The following MRTFB variants were observed in gnomAD, a reference collection of about 807,000 sequenced individuals.
MRTFB encodes the protein myocardin related transcription factor B.
Under a neutral mutation model 104.2 loss-of-function variants are expected in MRTFB, and 29 were observed. That is an observed-to-expected ratio of 0.28 (90% CI 0.21 to 0.38). The LOEUF (loss-of-function observed/expected upper bound fraction) is 0.38. MRTFB is among the 10% of genes least tolerant of loss of function. The pLI is 1.00. For missense variants in MRTFB, 1,270 were observed against 1,341.6 expected (o/e 0.95, Z 0.83); for synonymous variants, 535 against 519.5 (o/e 1.03, Z -0.41).
Position 14,169,543 on chromosome 16 carries a change from T to C in MRTFB, c.154+28783T>C, listed in dbSNP as rs570848737. On this transcript the variant is annotated intron_variant, in intron 3 of 16. Transcript: ENST00000571589. Reference sequence around the variant, plus strand: ...TTGTCAAATACATGTTTTACAAATATATTCTCCTGGTCTGTGGCTTCCGTA... The same window carrying C: ...TTGTCAAATACATGTTTTACAAATACATTCTCCTGGTCTGTGGCTTCCGTA... Among the ~76,000 whole-genome samples, 7 of 152,348 alleles carry C rather than the reference T, an allele frequency of 4.6e-5. No individual in the cohort carries two copies. The South Asian group carries it at 1.2e-3, about 27-fold the overall frequency.
At position 14,167,810 on chromosome 16, in the gene MRTFB, G is replaced by A. The variant is rs189264940; in HGVS notation, c.154+27050G>A. 5.8e-3 allele frequency among the ~76,000 whole-genome samples: 879 copies of A among 152,278 alleles called. 12 individuals are homozygous for A. The highest frequency in any genetic ancestry group is 6.0e-3 in the Non-Finnish European group (410 of 68,014). Reference sequence around the variant, plus strand: ...AGGTTCATGCCACTCTCCTGCCTCAGCCTCCCAGTAGCTGGGACTACAAGC... The same window carrying A: ...AGGTTCATGCCACTCTCCTGCCTCAACCTCCCAGTAGCTGGGACTACAAGC... On this transcript the variant is annotated intron_variant, in intron 3 of 16. Coordinates refer to ENST00000571589, the MANE Select transcript of MRTFB (RefSeq NM_001308142.2).
At chr16:14,252,597 G>A in intron 15 of MRTFB, 95 bp downstream of exon 15, 1 of 1,376,312 alleles carries the variant, frequency 7.3e-7, no homozygotes, top group Admixed American at 2.7e-5. Flanking sequence ...GTCTGAAACT[G>A]ACTTGCCTCA....
intron 2 of MRTFB, among the ~76,000 whole-genome samples, chr16:14,087,464 C>G (rs2034788871): frequency 6.6e-6 from 1 of 152,112 alleles, no homozygotes; most frequent in Non-Finnish European, 1.5e-5. Flanking sequence ...AGGCTACTCT[C>G]TTTAAATAGA....
chr16:14,061,581 T>C, the MRTFB span, among the ~76,000 whole-genome samples: 6 of 150,692 alleles, frequency 4.0e-5, no homozygotes, highest in Admixed American at 1.3e-4. Context: ...TTTTTTTTTT[T>C]TTTTTTGGTA....
intron 1 of MRTFB, among the ~76,000 whole-genome samples, chr16:14,073,678 T>C (rs1057463924): frequency 6.6e-6 from 1 of 152,224 alleles, no homozygotes; most frequent in South Asian, 2.1e-4. Context: ...GAGGTTAGAA[T>C]GGAGTTGGGA....
the MRTFB span, among the ~76,000 whole-genome samples, chr16:14,001,888 A>T: frequency 6.6e-6 from 1 of 152,192 alleles, no homozygotes; most frequent in Non-Finnish European, 1.5e-5. Context: ...GGCCTCTGCC[A>T]TGAGGCACTG....
chr16:14,041,317 G>C, the MRTFB span, among the ~76,000 whole-genome samples: 1 of 152,168 alleles, frequency 6.6e-6, no homozygotes, highest in Non-Finnish European at 1.5e-5. Flanking sequence ...AAAACTGAAA[G>C]TCTATACAAA....
At chr16:14,197,059 T>A (rs2040470132) in intron 3 of MRTFB, among the ~76,000 whole-genome samples, 1 of 139,812 alleles carries the variant, frequency 7.2e-6, no homozygotes, top group Non-Finnish European at 1.5e-5. Context: ...AACCTCTGCC[T>A]CCCGGGTTCA....
At chr16:14,166,217 CTTT>C (rs35113283) in intron 3 of MRTFB, among the ~76,000 whole-genome samples, 6 of 112,532 alleles carry the variant, frequency 5.3e-5, no homozygotes, top group African/African-American at 1.8e-4. Flanking sequence ...GTTTTCTTTT[CTTT>C]TTTTTTTTTT....
At chr16:14,184,177 C>A (rs1168966116) in intron 3 of MRTFB, among the ~76,000 whole-genome samples, 1 of 150,668 alleles carries the variant, frequency 6.6e-6, no homozygotes, top group Non-Finnish European at 1.5e-5. Flanking sequence ...GCTTTGGAAT[C>A]CTGGCCACCA....
In MRTFB at chr16:14,123,321, G is replaced by A. The variant is rs552164444; in HGVS notation, c.-63-17223G>A. Among the ~76,000 whole-genome samples, 62 of 144,614 alleles carry A rather than the reference G, an allele frequency of 4.3e-4. 1 individual carries two copies. The highest frequency in any genetic ancestry group is 3.5e-3 in the Middle Eastern group (1 of 286). 94.9% of individuals were successfully genotyped at this position (144,614 alleles called of 152,430 possible). A position where few individuals can be genotyped will look rare whatever the true frequency, so the allele number is the denominator to read the frequency against. ...TTAGATGCCATTGGCTTTTGTTGCC[G>A]TTGCTTTTGGTGTTTTAGACATGAA... On this transcript the variant is annotated intron_variant, in intron 2 of 16. Coordinates refer to ENST00000571589, the MANE Select transcript of MRTFB (RefSeq NM_001308142.2).
At chr16:14,057,964 GGGTGGGGGCCACCTTCACAGT>G in the MRTFB span, among the ~76,000 whole-genome samples, 1 of 152,332 alleles carries the variant, frequency 6.6e-6, no homozygotes, top group East Asian at 1.9e-4. Context: ...CCAGAGCCAG[GGGTGGGGGCCACCTTCACAGT>G]GACCTGAGCT....
chr16:14,033,607 C>G, the MRTFB span, among the ~76,000 whole-genome samples: 2 of 151,722 alleles, frequency 1.3e-5, no homozygotes, highest in Middle Eastern at 3.2e-3. Context: ...GAGGCTGAGG[C>G]GTGTGGATCA....
chr16:14,038,146 G>A, the MRTFB span, among the ~76,000 whole-genome samples: 19 of 152,260 alleles, frequency 1.2e-4, no homozygotes, highest in South Asian at 3.9e-3. Context: ...TTTCTTCTGA[G>A]GCCTCTGTCC....
intron 2 of MRTFB, among the ~76,000 whole-genome samples, chr16:14,126,429 A>T (rs1003661929): frequency 6.6e-6 from 1 of 152,210 alleles, no homozygotes. Flanking sequence ...GTGTCAGAAC[A>T]GTTGGTAGAA....
chr16:14,138,135 G>A (rs2037815032), intron 2 of MRTFB, among the ~76,000 whole-genome samples: 1 of 152,014 alleles, frequency 6.6e-6, no homozygotes, highest in East Asian at 1.9e-4. Context: ...AGACACTGAA[G>A]ATATTTACCC....
chr16:14,072,299 G>A (rs547612536), intron 1 of MRTFB, among the ~76,000 whole-genome samples: 5 of 152,282 alleles, frequency 3.3e-5, no homozygotes, highest in South Asian at 4.1e-4. Flanking sequence ...TTGAAAAGCA[G>A]TATGATGGTT....
intron 3 of MRTFB, among the ~76,000 whole-genome samples, chr16:14,147,911 G>C (rs1029275504): frequency 8.5e-5 from 13 of 152,102 alleles, no homozygotes; most frequent in African/African-American, 3.1e-4. Context: ...CCGATGATGA[G>C]ACCACATCAT....
chr16:14,033,179 C>T, the MRTFB span, among the ~76,000 whole-genome samples: 2 of 151,982 alleles, frequency 1.3e-5, no homozygotes, highest in Admixed American at 6.6e-5. Flanking sequence ...GTGGGAGCAT[C>T]GCTTGAACTC....
Sources: gnomAD v4.1 joint callset for allele counts (sites outside exome capture counted in the v4.1 genomes callset) on GRCh38, gnomAD v4.1.1 for gene constraint, MANE v1.5 for transcripts, NCBI Gene and HGNC (gene_info 2026-07-23, HGNC 2026-07-21) for gene names.